Variants in SCHIP1 observed in about 807,000 individuals in gnomAD.
SCHIP1 encodes schwannomin interacting protein 1.
In SCHIP1, 8 loss-of-function variants were observed where a neutral mutation model predicts 29.7. The observed-to-expected ratio is 0.27, with a 90% CI of 0.16 to 0.49. SCHIP1 has a LOEUF of 0.49. SCHIP1 is among the 20% of genes least tolerant of loss of function. SCHIP1 has a pLI of 0.99. For missense variants in SCHIP1, 193 were observed against 294.6 expected, an observed-to-expected ratio of 0.66 and a Z score of 2.52; for synonymous variants, 76 against 94.9, an observed-to-expected ratio of 0.80 and a Z score of 1.16.
At chr3:159,702,485 C>G in the SCHIP1 span, among the ~76,000 whole-genome samples, 1 of 152,164 alleles carries the variant, frequency 6.6e-6, no homozygotes, top group African/African-American at 2.4e-5. Context: ...TTTCACTTTC[C>G]TATGTAAATT....
chr3:159,627,623 T>C, the SCHIP1 span, among the ~76,000 whole-genome samples: 3 of 152,206 alleles, frequency 2.0e-5, no homozygotes, highest in Non-Finnish European at 4.4e-5. Flanking sequence ...TGTGCTATGT[T>C]GCTTATCTGG....
the SCHIP1 span, among the ~76,000 whole-genome samples, chr3:159,453,389 G>A: frequency 6.6e-6 from 1 of 152,170 alleles, no homozygotes; most frequent in African/African-American, 2.4e-5. Context: ...AAAGCTCAGG[G>A]AGTGTCTGTG....
the SCHIP1 span, among the ~76,000 whole-genome samples, chr3:159,336,006 T>C: frequency 6.6e-6 from 1 of 152,230 alleles, no homozygotes; most frequent in Non-Finnish European, 1.5e-5. Context: ...CCAGCACCTG[T>C]TGTTTCTTGA....
chr3:159,882,924 T>C (rs962956041), intron 2 of SCHIP1, among the ~76,000 whole-genome samples: 3 of 152,244 alleles, frequency 2.0e-5, no homozygotes, highest in Non-Finnish European at 4.4e-5. Context: ...AGGCCACTCC[T>C]GCTCACACTG....
chr3:159,881,459 A>G (rs187089638), intron 2 of SCHIP1, among the ~76,000 whole-genome samples: 108 of 152,356 alleles, frequency 7.1e-4, no homozygotes, highest in African/African-American at 2.6e-3. Flanking sequence ...GTAGGCAGAT[A>G]ATGAGCAATG....
At chr3:159,673,288 A>G in the SCHIP1 span, among the ~76,000 whole-genome samples, 1 of 152,216 alleles carries the variant, frequency 6.6e-6, no homozygotes, top group Non-Finnish European at 1.5e-5. Context: ...GAGCCTGGTG[A>G]GCAGTCTGCA....
At chr3:159,592,691 A>G in the SCHIP1 span, among the ~76,000 whole-genome samples, 1 of 151,978 alleles carries the variant, frequency 6.6e-6, no homozygotes, top group African/African-American at 2.4e-5. Context: ...CCAGCAGTTT[A>G]TGGCTCCCTC....
chr3:159,404,086 TACTG>T, the SCHIP1 span, among the ~76,000 whole-genome samples: 1 of 152,126 alleles, frequency 6.6e-6, no homozygotes, highest in African/African-American at 2.4e-5. Context: ...ATCCATAACC[TACTG>T]ACTAAAGAGC....
the SCHIP1 span, among the ~76,000 whole-genome samples, chr3:159,478,458 G>A: frequency 2.0e-5 from 3 of 152,086 alleles, no homozygotes; most frequent in African/African-American, 7.2e-5. Flanking sequence ...TTTTATGCCA[G>A]TACCATGCTG....
the SCHIP1 span, among the ~76,000 whole-genome samples, chr3:159,635,337 G>T: frequency 6.6e-6 from 1 of 152,138 alleles, no homozygotes; most frequent in South Asian, 2.1e-4. Context: ...TAGGGATGGG[G>T]GGTCTCTAGT....
chr3:159,316,623 T>A, the SCHIP1 span, among the ~76,000 whole-genome samples: 2 of 152,182 alleles, frequency 1.3e-5, no homozygotes, highest in African/African-American at 2.4e-5. Context: ...ACACATCTCT[T>A]GAGATCATAC....
At chr3:159,375,503 G>GA in the SCHIP1 span, among the ~76,000 whole-genome samples, 2 of 152,208 alleles carry the variant, frequency 1.3e-5, no homozygotes, top group Non-Finnish European at 2.9e-5. Flanking sequence ...TTGGGAGGCC[G>GA]AGGCAGGTGG....
At chr3:159,280,600 G>T in the SCHIP1 span, among the ~76,000 whole-genome samples, 1 of 152,146 alleles carries the variant, frequency 6.6e-6, no homozygotes, top group African/African-American at 2.4e-5. Flanking sequence ...TGGAACACAG[G>T]GTGGCATTAT....
the SCHIP1 span, among the ~76,000 whole-genome samples, chr3:159,592,501 G>T: frequency 6.6e-6 from 1 of 151,598 alleles, no homozygotes; most frequent in South Asian, 2.1e-4. Context: ...CCCCTACCCT[G>T]CAGTAACACC....
the SCHIP1 span, among the ~76,000 whole-genome samples, chr3:159,554,203 A>T: frequency 6.6e-6 from 1 of 152,160 alleles, no homozygotes; most frequent in East Asian, 1.9e-4. Flanking sequence ...CTTAGAATTC[A>T]TCACATCTAC....
the SCHIP1 span, among the ~76,000 whole-genome samples, chr3:159,380,381 A>G: frequency 6.6e-6 from 1 of 152,142 alleles, no homozygotes; most frequent in African/African-American, 2.4e-5. Context: ...GTTTCAATTT[A>G]TGTGTTTTCT....
the SCHIP1 span, among the ~76,000 whole-genome samples, chr3:159,372,880 G>C: frequency 6.6e-6 from 1 of 152,014 alleles, no homozygotes; most frequent in Non-Finnish European, 1.5e-5. Flanking sequence ...CAGCAAAGGT[G>C]AGTAGTGGCA....
At chr3:159,343,827 T>C in the SCHIP1 span, among the ~76,000 whole-genome samples, 5 of 152,226 alleles carry the variant, frequency 3.3e-5, no homozygotes, top group African/African-American at 1.2e-4. Flanking sequence ...TCAGTGTGTA[T>C]ATATATCTCA....
the SCHIP1 span, among the ~76,000 whole-genome samples, chr3:159,513,674 G>A: frequency 6.6e-6 from 1 of 152,030 alleles, no homozygotes. Context: ...TTGATTGAAG[G>A]GAGAAAGGGG....
Sources: allele counts gnomAD v4.1 joint callset (sites outside exome capture counted in the v4.1 genomes callset), GRCh38; gene constraint gnomAD v4.1.1; transcripts MANE v1.5; gene names NCBI Gene and HGNC (gene_info 2026-07-23, HGNC 2026-07-21).